Variants in SYBU observed in about 807,000 individuals in gnomAD.
The protein encoded by SYBU is GOLSYN A protein.
Under a neutral mutation model 35.9 loss-of-function variants are expected in SYBU, and 21 were observed. The ratio of observed to expected loss-of-function variants is 0.58; its 90% CI spans 0.41 to 0.84. The LOEUF (loss-of-function observed/expected upper bound fraction) is 0.84, where lower values mean the gene tolerates loss of function less well. Ranked by LOEUF, SYBU falls within the 40% of genes least tolerant of loss-of-function variation. The probability of loss-of-function intolerance (pLI) is 0.00; values close to 1 mark genes in which losing one functional copy is unlikely to be tolerated. For synonymous variants in SYBU, 319 were observed against 324.3 expected (o/e 0.98, Z 0.18); for missense variants, 768 against 848.2 (o/e 0.91, Z 1.17).
At chr8:109,660,716 C>T (rs1816529808) in intron 1 of SYBU, among the ~76,000 whole-genome samples, 1 of 152,118 alleles carries the variant, frequency 6.6e-6, no homozygotes. Context: ...ATATTTTTGA[C>T]ATTTCTCTTT....
At chr8:109,628,744 C>T (rs1222074496) in intron 2 of SYBU, among the ~76,000 whole-genome samples, 4 of 152,014 alleles carry the variant, frequency 2.6e-5, no homozygotes, top group Admixed American at 2.6e-4. Context: ...ATTGCTCACA[C>T]CCAGGAGGTC....
chr8:109,675,329 C>CA (rs1443083308), intron 1 of SYBU, among the ~76,000 whole-genome samples: 2 of 151,982 alleles, frequency 1.3e-5, no homozygotes, highest in South Asian at 2.1e-4. Flanking sequence ...AAAAGCCCTT[C>CA]AAAAAATCAA....
chr8:109,667,014 AAATT>A (rs1300439819), intron 1 of SYBU, among the ~76,000 whole-genome samples: 2 of 152,196 alleles, frequency 1.3e-5, no homozygotes, highest in Non-Finnish European at 2.9e-5. Flanking sequence ...CTTTCATACA[AAATT>A]AATTATTACA....
upstream of SYBU, chr8:109,645,637 T>TTTTTTTTTTTTC: frequency 3.5e-6 from 1 of 283,552 alleles, no homozygotes; most frequent in African/African-American, 2.3e-5. Context: ...TTTTTTGTTT[T>TTTTTTTTTTTTC]TTTTTTTTTC....
intron 1 of SYBU, among the ~76,000 whole-genome samples, chr8:109,655,359 T>A (rs1283481192): frequency 1.3e-5 from 2 of 152,218 alleles, no homozygotes; most frequent in African/African-American, 4.8e-5. Flanking sequence ...AATGGAAAGA[T>A]AAAGTTACAT....
Position 109,584,515 on chromosome 8 carries a change from T to C in SYBU, c.530+1545A>G, listed in dbSNP as rs543363900. On this transcript the variant is annotated intron_variant, in intron 4 of 6. Coordinates refer to ENST00000276646, the MANE Select transcript of SYBU (RefSeq NM_001099754.2). The surrounding 1 kb of genome is among the most constrained non-coding windows in gnomAD (Gnocchi z 4.0). ...AGTGGGTTATATAAATGGTTTATTCTTAGAGCAAGCCACATCTGATTTACA... is the reference window on the plus strand; with the variant it reads ...AGTGGGTTATATAAATGGTTTATTCCTAGAGCAAGCCACATCTGATTTACA... Among the ~76,000 whole-genome samples the C allele has an allele frequency of 1.7e-3, 262 of 152,322 alleles. 1 individual carries two copies. Among genetic ancestry groups the C allele is most frequent in the African/African-American group, 6.0e-3 (250 of 41,568 alleles).
At chr8:109,663,681 G>A (rs1651194842) in intron 1 of SYBU, among the ~76,000 whole-genome samples, 1 of 151,706 alleles carries the variant, frequency 6.6e-6, no homozygotes, top group Non-Finnish European at 1.5e-5. Context: ...TTTTTAAAAT[G>A]TTCTCTTTTT....
At chr8:109,660,814 T>C (rs992693036) in intron 1 of SYBU, among the ~76,000 whole-genome samples, 1 of 152,132 alleles carries the variant, frequency 6.6e-6, no homozygotes, top group Non-Finnish European at 1.5e-5. Context: ...TTATGACAAA[T>C]AAAAAGGAGG....
chr8:109,651,745 GT>G (rs1816151149), intron 1 of SYBU, among the ~76,000 whole-genome samples: 1 of 152,114 alleles, frequency 6.6e-6, no homozygotes, highest in South Asian at 2.1e-4. Flanking sequence ...GATATCCTCT[GT>G]CCCTCAGGAT....
intron 2 of SYBU, among the ~76,000 whole-genome samples, chr8:109,632,285 C>G (rs1212463097): frequency 6.6e-6 from 1 of 152,236 alleles, no homozygotes; most frequent in Non-Finnish European, 1.5e-5. Context: ...AGATGACCTG[C>G]CCGCCTTGGC....
chr8:109,627,407 A>G (rs1813107627), intron 2 of SYBU, among the ~76,000 whole-genome samples: 1 of 152,228 alleles, frequency 6.6e-6, no homozygotes. Flanking sequence ...AATATAAACC[A>G]GGTGAAATTC....
At chr8:109,615,271 C>A (rs1259526023) in intron 3 of SYBU, among the ~76,000 whole-genome samples, 2 of 152,120 alleles carry the variant, frequency 1.3e-5, no homozygotes, top group African/African-American at 2.4e-5. Flanking sequence ...GTAGAGCATG[C>A]ATCAAGAGTT....
chr8:109,619,615 A>G (rs193302841), intron 2 of SYBU, among the ~76,000 whole-genome samples: 11 of 152,312 alleles, frequency 7.2e-5, no homozygotes, highest in East Asian at 5.8e-4. Flanking sequence ...TATATAGTGT[A>G]TTTTTGGGTC....
upstream of SYBU, chr8:109,647,135 C>T (rs959873991): frequency 2.0e-5 from 3 of 152,214 alleles, no homozygotes; most frequent in African/African-American, 7.2e-5. Flanking sequence ...TAATGTGGCA[C>T]ACAAGGCTTT....
At chr8:109,594,753 C>T (rs1232508048) in intron 3 of SYBU, among the ~76,000 whole-genome samples, 3 of 152,194 alleles carry the variant, frequency 2.0e-5, no homozygotes, top group Non-Finnish European at 2.9e-5. Context: ...TCCACCTCCA[C>T]TGCATTTAAA....
At position 109,663,258 on chromosome 8, in the gene SYBU, CAGATAGATAGAT is replaced by C. The variant is rs67666534; in HGVS notation, c.-129+17441_-129+17452del. 1.4e-3 allele frequency among the ~76,000 whole-genome samples: 203 copies of C among 149,146 alleles called. 2 individuals are homozygous for C. The highest frequency in any genetic ancestry group is 4.1e-3 in the South Asian group (19 of 4,676). ...AGGGTCAGTTTAATAAAAATACATA[CAGATAGATAGAT>C]AGATAGATAGATAGATAGATAGATA... is the stretch of plus-strand genomic sequence containing the variant. On this transcript the variant is annotated intron_variant, in intron 1 of 5. Transcript: ENST00000408889.
chr8:109,601,256 C>T (rs1185371617), intron 3 of SYBU, among the ~76,000 whole-genome samples: 1 of 152,150 alleles, frequency 6.6e-6, no homozygotes, highest in African/African-American at 2.4e-5. Flanking sequence ...CTGAGTGATG[C>T]TGAGACTCAC....
chr8:109,595,150 G>A (rs542358712), intron 3 of SYBU, among the ~76,000 whole-genome samples: 10 of 152,240 alleles, frequency 6.6e-5, no homozygotes, highest in African/African-American at 2.2e-4. Flanking sequence ...CCCAAAACAT[G>A]TGAGGCCAAA....
chr8:109,683,129 G>A (rs1276630062), upstream of SYBU, among the ~76,000 whole-genome samples: 1 of 152,078 alleles, frequency 6.6e-6, no homozygotes, highest in Non-Finnish European at 1.5e-5. Context: ...GTGGGGTTGG[G>A]GGCACTGCCT....
Sources: allele counts gnomAD v4.1 joint callset (sites outside exome capture counted in the v4.1 genomes callset), GRCh38; gene constraint gnomAD v4.1.1; non-coding constraint Gnocchi (gnomAD v3.1); transcripts MANE v1.5; gene names NCBI Gene and HGNC (gene_info 2026-07-23, HGNC 2026-07-21).